The following CAMKK1 variants were observed in gnomAD, a reference collection of about 807,000 sequenced individuals.
CAMKK1 encodes the protein calcium/calmodulin dependent protein kinase kinase 1.
In CAMKK1, 20 loss-of-function variants were observed where a neutral mutation model predicts 63.5. The ratio of observed to expected loss-of-function variants is 0.32; its 90% CI spans 0.22 to 0.46. The LOEUF (loss-of-function observed/expected upper bound fraction) is 0.46, where lower values mean the gene tolerates loss of function less well. Ranked by LOEUF, CAMKK1 falls within the 20% of genes least tolerant of loss-of-function variation. The probability of loss-of-function intolerance (pLI) is 1.00; values close to 1 mark genes in which losing one functional copy is unlikely to be tolerated. For missense variants in CAMKK1, 588 were observed against 658.1 expected (o/e 0.89, Z 1.17); for synonymous variants, 253 against 269.0 (o/e 0.94, Z 0.58).
rs2055808998 is a variant in CAMKK1 at position 3,889,564 on chromosome 17, A to G, written c.-44+3375T>C. On this transcript the variant is annotated intron_variant, in intron 1 of 15. Transcript: ENST00000348335. The surrounding 1 kb of genome is among the most constrained non-coding windows in gnomAD (Gnocchi z 5.2). ...GTCCTGCCAACTCCCAGGGCGATGG[A>G]AGGAACAGAATGAGGTGTGGACACA... Among the ~76,000 whole-genome samples the G allele has an allele frequency of 6.6e-6, 1 of 152,024 alleles. No individual in the cohort carries two copies. The highest frequency in any genetic ancestry group is 1.5e-5 in the Non-Finnish European group (1 of 67,998).
In CAMKK1 at chr17:3,885,942, C is replaced by T. The variant is rs575886766; in HGVS notation, c.-43-212G>A. Among the ~76,000 whole-genome samples, 144 of 152,356 alleles carry T rather than the reference C, an allele frequency of 9.5e-4. No homozygotes were observed. In the Middle Eastern group the frequency reaches 0.01, roughly 11 times the overall value. On this transcript the variant is annotated intron_variant, in intron 1 of 15. Coordinates refer to ENST00000348335, the MANE Select transcript of CAMKK1 (RefSeq NM_032294.3). The stretch of plus-strand genomic sequence containing the variant: ...GCCAGCCCTCTAGGCCTCAGTATCC[C>T]TGCCGGTAACAGAGGCAGTCACTTC...
intron 7 of CAMKK1, 81 bp from the exon 8 acceptor site, chr17:3,881,729 A>G (rs1483062962): frequency 2.3e-6 from 3 of 1,309,976 alleles, no homozygotes; most frequent in East Asian, 2.5e-5. Context: ...TCTGGAGGGT[A>G]GGAGAGGGGG....
At position 3,883,700 on chromosome 17, in the gene CAMKK1, A is replaced by T. The variant is rs72825475; in HGVS notation, c.462+184T>A. Among the ~76,000 whole-genome samples, 12,527 of 151,952 alleles carry T rather than the reference A, an allele frequency of 0.082. 589 individuals are homozygous for T. The highest frequency in any genetic ancestry group is 0.12 in the African/African-American group (4,785 of 41,400). ...AGCCTTTCTGGAGCTTTCCCCTCAG[A>T]GGAATCCAGTCTCTGCTTGCATATC... On this transcript the variant is annotated intron_variant, in intron 4 of 15. Transcript: ENST00000348335. The surrounding 1 kb of genome is among the most constrained non-coding windows in gnomAD (Gnocchi z 4.7).
intron 9 of CAMKK1, among the ~76,000 whole-genome samples, chr17:3,877,363 G>A (rs1160292180): frequency 6.6e-6 from 1 of 152,138 alleles, no homozygotes. Flanking sequence ...TCCCAAATCA[G>A]AAATGACCTA....
intron 9 of CAMKK1, 106 bp from the exon 10 acceptor site, chr17:3,876,528 C>A: frequency 2.1e-6 from 2 of 958,236 alleles, no homozygotes; most frequent in Non-Finnish European, 3.2e-6. Flanking sequence ...CATCCCAGCC[C>A]ATGCACACTT....
rs533614837 is a variant in CAMKK1, at chr17:3,883,677, C to A, written c.463-197G>T. On this transcript the variant is annotated intron_variant, in intron 4 of 15. Coordinates refer to ENST00000348335, the MANE Select transcript of CAMKK1 (RefSeq NM_032294.3). The surrounding 1 kb of genome is among the most constrained non-coding windows in gnomAD (Gnocchi z 4.7). ...CCCTTCCCCTTATTCCCCCAGCAAG[C>A]CTTTCTGGAGCTTTCCCCTCAGAGG... Among the ~76,000 whole-genome samples the A allele has an allele frequency of 2.6e-5, 4 of 152,156 alleles. No individual in the cohort carries two copies. The highest frequency in any genetic ancestry group is 1.3e-4 in the Admixed American group (2 of 15,290).
At position 3,892,221 on chromosome 17, in the gene CAMKK1, G is replaced by A. The variant is rs2055928101; in HGVS notation, c.-44+718C>T. 2.0e-5 allele frequency among the ~76,000 whole-genome samples: 3 copies of A among 151,868 alleles called. No homozygotes were observed. The highest frequency in any genetic ancestry group is 7.3e-5 in the African/African-American group (3 of 41,326). ...TTGAGCACACCCCCTCCCCTGACAG[G>A]CACACGCCCGTGTCCGCGTGACCCG... On this transcript the variant is annotated intron_variant, in intron 1 of 15. Coordinates refer to ENST00000348335, the MANE Select transcript of CAMKK1 (RefSeq NM_032294.3). This position sits in a 1 kb window ranked among gnomAD's most constrained non-coding sequence, Gnocchi z 7.5.
chr17:3,873,321 T>G, intron 11 of CAMKK1, 88 bp downstream of exon 11: 1 of 1,237,950 alleles, frequency 8.1e-7, no homozygotes, highest in Non-Finnish European at 1.2e-6. Flanking sequence ...CAAAAGCCAC[T>G]TAAGGACAAA....
rs2055870812 is a variant in CAMKK1, at chr17:3,890,761, G to C, written c.-44+2178C>G. The C allele has an allele frequency of 1.3e-6, 1 of 779,636 alleles. No individual in the cohort carries two copies. Among genetic ancestry groups the C allele is most frequent in the Non-Finnish European group, 2.4e-6 (1 of 417,982 alleles). 48.3% of individuals were successfully genotyped at this position (779,636 alleles called of 1,614,324 possible). A position where few individuals can be genotyped will look rare whatever the true frequency, so the allele number is the denominator to read the frequency against. Reference sequence around the variant, plus strand: ...GTTCTGCTGCCAGGCCTCAGTACAAGCTGTGCCTTCTGCCAGGAACACACC... The same window carrying C: ...GTTCTGCTGCCAGGCCTCAGTACAACCTGTGCCTTCTGCCAGGAACACACC... On this transcript the variant is annotated intron_variant, in intron 1 of 15. Transcript: ENST00000348335. The surrounding 1 kb of genome is among the most constrained non-coding windows in gnomAD (Gnocchi z 6.5).
In CAMKK1 at chr17:3,890,067, G is replaced by A. The variant is rs562668359; in HGVS notation, c.-44+2872C>T. Among the ~76,000 whole-genome samples the A allele has an allele frequency of 5.9e-5, 9 of 152,208 alleles. No homozygotes were observed. Among genetic ancestry groups the A allele is most frequent in the Non-Finnish European group, 1.2e-4 (8 of 68,010 alleles). ...AGAGGACCGAACAGAAGGGAAAGCCGCAGAGGTGGCGGCCACCCAGGCCAG... is the reference window on the plus strand; with the variant it reads ...AGAGGACCGAACAGAAGGGAAAGCCACAGAGGTGGCGGCCACCCAGGCCAG... On this transcript the variant is annotated intron_variant, in intron 1 of 15. Transcript: ENST00000348335. This position sits in a 1 kb window ranked among gnomAD's most constrained non-coding sequence, Gnocchi z 6.5.
At position 3,862,463 on chromosome 17, in the gene CAMKK1, CTCTCAGCCCCCAG is replaced by C. The variant is rs1312559605; in HGVS notation, c.1446-193_1446-181del. On this transcript the variant is annotated intron_variant, in intron 15 of 15. Transcript: ENST00000348335. The surrounding 1 kb of genome is among the most constrained non-coding windows in gnomAD (Gnocchi z 4.1). The stretch of plus-strand genomic sequence containing the variant: ...ATCACGGCAGTTGCTCCTTGCCGGT[CTCTCAGCCCCCAG>C]TCTCAGCCCGCAACGCCTCCGTGGC... 6.6e-6 allele frequency among the ~76,000 whole-genome samples: 1 copy of C among 152,156 alleles called. No individual in the cohort carries two copies. Among genetic ancestry groups the C allele is most frequent in the Non-Finnish European group, 1.5e-5 (1 of 68,032 alleles).
chr17:3,871,333 G>GTTTTTTTTT (rs71155812), intron 12 of CAMKK1, among the ~76,000 whole-genome samples: 2 of 111,004 alleles, frequency 1.8e-5, no homozygotes, highest in Non-Finnish European at 3.7e-5. Flanking sequence ...GTTGTTTTTT[G>GTTTTTTTTT]TTTTTTTTTT....
intron 10 of CAMKK1, 27 bp from the exon 11 acceptor site, chr17:3,873,489 C>T (rs1443862396): frequency 1.2e-6 from 2 of 1,613,276 alleles, no homozygotes; most frequent in Non-Finnish European, 1.7e-6. Context: ...TCACATCAGT[C>T]CCCAACAGGC....
chr17:3,867,962 T>G (rs1211099672), intron 14 of CAMKK1, among the ~76,000 whole-genome samples: 2 of 146,062 alleles, frequency 1.4e-5, no homozygotes, highest in African/African-American at 5.1e-5. Context: ...GTCTAATGGA[T>G]ACGCAGGATC....
intron 10 of CAMKK1, among the ~76,000 whole-genome samples, chr17:3,874,847 C>T (rs546293677): frequency 7.3e-5 from 11 of 150,668 alleles, no homozygotes; most frequent in Non-Finnish European, 1.5e-4. Flanking sequence ...TCTGGCTGGG[C>T]GTGGTGGCTC....
chr17:3,870,450 C>T (rs1469705712), intron 12 of CAMKK1, among the ~76,000 whole-genome samples: 28 of 151,892 alleles, frequency 1.8e-4, no homozygotes, highest in Admixed American at 3.9e-4. Flanking sequence ...ACTGCAAGCT[C>T]CGCCTCCCAG....
chr17:3,871,326 G>GTTTTTTTTTTTTTT (rs1567617810), intron 12 of CAMKK1, among the ~76,000 whole-genome samples: 2 of 69,080 alleles, frequency 2.9e-5, no homozygotes, highest in Non-Finnish European at 2.8e-5. Flanking sequence ...TTTGTTTGTT[G>GTTTTTTTTTTTTTT]TTTTTTGTTT....
chr17:3,876,919 G>A (rs755774343), intron 9 of CAMKK1, among the ~76,000 whole-genome samples: 37 of 151,868 alleles, frequency 2.4e-4, no homozygotes, highest in Non-Finnish European at 4.3e-4. Context: ...CACCACGCCC[G>A]GCTACTTTTT....
chr17:3,863,683 C>T (rs566588911), intron 15 of CAMKK1, among the ~76,000 whole-genome samples: 3 of 152,186 alleles, frequency 2.0e-5, no homozygotes, highest in East Asian at 1.9e-4. Context: ...TAAGTCCAGC[C>T]TGGGCAACAT....
Sources: gnomAD v4.1 joint callset for allele counts (sites outside exome capture counted in the v4.1 genomes callset) on GRCh38, gnomAD v4.1.1 for gene constraint, Gnocchi (gnomAD v3.1) non-coding constraint, MANE v1.5 for transcripts, NCBI Gene and HGNC (gene_info 2026-07-23, HGNC 2026-07-21) for gene names.